The following ASB13 variants were observed in gnomAD, a reference collection of about 807,000 sequenced individuals.
ASB13 encodes the protein ankyrin repeat and SOCS box containing 13.
Under a neutral mutation model 28.8 loss-of-function variants are expected in ASB13, and 33 were observed. The observed-to-expected ratio is 1.15, with a 90% CI of 0.87 to 1.53. ASB13 has a LOEUF of 1.53. ASB13 is among the 40% of genes most tolerant of loss of function. ASB13 has a pLI of 0.00. For missense variants in ASB13, 414 were observed against 390.1 expected (o/e 1.06, Z -0.52); for synonymous variants, 182 against 172.9 (o/e 1.05, Z -0.41).
At position 5,659,825 on chromosome 10, in the gene ASB13, C is replaced by T. The variant is rs545053714; in HGVS notation, c.43+6684G>A. On this transcript the variant is annotated intron_variant, in intron 1 of 5. Coordinates refer to ENST00000357700, the MANE Select transcript of ASB13 (RefSeq NM_024701.4). This position sits in a 1 kb window ranked among gnomAD's most constrained non-coding sequence, Gnocchi z 5.8. ...GCAGGTATCTGAATGAATAAGCACT[C>T]CCCAGACGCATCTTCCCCTGCCAGA... 2.6e-5 allele frequency among the ~76,000 whole-genome samples: 4 copies of T among 152,320 alleles called. No homozygotes were observed. Among genetic ancestry groups the T allele is most frequent in the African/African-American group, 9.6e-5 (4 of 41,578 alleles).
Position 5,655,119 on chromosome 10 carries a change from G to C in ASB13, c.44-2069C>G, listed in dbSNP as rs1424145353. 6.6e-6 allele frequency among the ~76,000 whole-genome samples: 1 copy of C among 150,878 alleles called. No individual in the cohort carries two copies. Among genetic ancestry groups the C allele is most frequent in the Admixed American group, 6.6e-5 (1 of 15,128 alleles). On this transcript the variant is annotated intron_variant, in intron 1 of 5. Transcript: ENST00000357700. The surrounding 1 kb of genome is among the most constrained non-coding windows in gnomAD (Gnocchi z 6.2). ...CTCTGTCTTTAAAAAAAAAAAAAAA[G>C]TGTCTGCATCGAATTTCCTCTGCAG...
chr10:5,649,417 C>T lies in ASB13; in HGVS notation c.383-313G>A, dbSNP rs1014641477. 1.3e-5 allele frequency among the ~76,000 whole-genome samples: 2 copies of T among 152,164 alleles called. No homozygotes were observed. Among genetic ancestry groups the T allele is most frequent in the African/African-American group, 4.8e-5 (2 of 41,438 alleles). On this transcript the variant is annotated intron_variant, in intron 3 of 5. Coordinates refer to ENST00000357700, the MANE Select transcript of ASB13 (RefSeq NM_024701.4). The surrounding 1 kb of genome is among the most constrained non-coding windows in gnomAD (Gnocchi z 6.4). ...TCAGGGAAAACTCCCCCGCTGCCCC[C>T]CTGCCCTGTGTCTACCTGCGGCTGT...
In ASB13 at chr10:5,660,120, C is replaced by T. The variant is rs532990345; in HGVS notation, c.43+6389G>A. Among the ~76,000 whole-genome samples, 13 of 152,282 alleles carry T rather than the reference C, an allele frequency of 8.5e-5. No homozygotes were observed. In the East Asian group the frequency reaches 2.1e-3, roughly 25 times the overall value. On this transcript the variant is annotated intron_variant, in intron 1 of 5. Coordinates refer to ENST00000357700, the MANE Select transcript of ASB13 (RefSeq NM_024701.4). This position sits in a 1 kb window ranked among gnomAD's most constrained non-coding sequence, Gnocchi z 6.1. ...ACTATGGCTCCTCCTGTTTACCTGC[C>T]GCCTGCAGGCCTGAGCTCATGAATA...
intron 1 of ASB13, among the ~76,000 whole-genome samples, chr10:5,665,780 A>C (rs1230455041): frequency 2.0e-5 from 3 of 152,178 alleles, no homozygotes; most frequent in Non-Finnish European, 4.4e-5. Context: ...TGTTTTTACC[A>C]GGATGAATAT....
chr10:5,650,935 G>A lies in ASB13; in HGVS notation c.382+278C>T, dbSNP rs567608006. Among the ~76,000 whole-genome samples the A allele has an allele frequency of 1.5e-3, 228 of 152,318 alleles. No individual in the cohort carries two copies. The highest frequency in any genetic ancestry group is 2.6e-3 in the Non-Finnish European group (179 of 68,016). ...AGTGAGCCTCTGCAGAGTCCCCCAG[G>A]CCCTGCTAACGTGGAGAGGCCCAGG... is the stretch of plus-strand genomic sequence containing the variant. On this transcript the variant is annotated intron_variant, in intron 3 of 5. Coordinates refer to ENST00000357700, the MANE Select transcript of ASB13 (RefSeq NM_024701.4). The surrounding 1 kb of genome is among the most constrained non-coding windows in gnomAD (Gnocchi z 6.0).
Position 5,642,144 on chromosome 10 carries a change from T to C in ASB13, c.518-183A>G, listed in dbSNP as rs541250438. On this transcript the variant is annotated intron_variant, in intron 4 of 5. Coordinates refer to ENST00000357700, the MANE Select transcript of ASB13 (RefSeq NM_024701.4). This position sits in a 1 kb window ranked among gnomAD's most constrained non-coding sequence, Gnocchi z 4.1. ...TCAACATCCAAAAGCAGGAACTACT[T>C]ACTGTCCCCACTCATGAGAGATAAA... Among the ~76,000 whole-genome samples the C allele has an allele frequency of 6.6e-6, 1 of 152,236 alleles. No individual in the cohort carries two copies. Among genetic ancestry groups the C allele is most frequent in the African/African-American group, 2.4e-5 (1 of 41,554 alleles).
At chr10:5,654,901 A>AG (rs1318870513) in intron 1 of ASB13, among the ~76,000 whole-genome samples, 1 of 152,142 alleles carries the variant, frequency 6.6e-6, no homozygotes, top group Non-Finnish European at 1.5e-5. Context: ...GTTCGAAACC[A>AG]GCCTGGCCAA....
intron 1 of ASB13, among the ~76,000 whole-genome samples, chr10:5,654,213 T>C (rs1835036930): frequency 6.7e-6 from 1 of 149,188 alleles, no homozygotes; most frequent in Non-Finnish European, 1.5e-5. Flanking sequence ...AACACAACTC[T>C]AGCTAAGCAG....
rs550866871 is a variant in ASB13, at chr10:5,653,751, A to T, written c.44-701T>A. ...GGCTGGAGTGCAATGGTGTGATCTC[A>T]GCTCACTGCAACCTCCGCCTCCCGG... On this transcript the variant is annotated intron_variant, in intron 1 of 5. Coordinates refer to ENST00000357700, the MANE Select transcript of ASB13 (RefSeq NM_024701.4). 2.6e-5 allele frequency among the ~76,000 whole-genome samples: 4 copies of T among 152,158 alleles called. No individual in the cohort carries two copies. In the East Asian group the frequency reaches 7.7e-4, roughly 29 times the overall value.
intron 4 of ASB13, among the ~76,000 whole-genome samples, 179 bp downstream of exon 4, chr10:5,648,791 C>CG (rs1834935065): frequency 6.6e-6 from 1 of 150,860 alleles, no homozygotes; most frequent in African/African-American, 2.4e-5. Context: ...AACACCCACG[C>CG]GGGCAAACAC....
rs1416241006 is a variant in ASB13 at position 5,658,525 on chromosome 10, G to T, written c.44-5475C>A. Among the ~76,000 whole-genome samples, 1 of 152,186 alleles carries T rather than the reference G, an allele frequency of 6.6e-6. No individual in the cohort carries two copies. Among genetic ancestry groups the T allele is most frequent in the Admixed American group, 6.5e-5 (1 of 15,288 alleles). On this transcript the variant is annotated intron_variant, in intron 1 of 5. Transcript: ENST00000357700. This position sits in a 1 kb window ranked among gnomAD's most constrained non-coding sequence, Gnocchi z 4.2. ...TCGAGTAGTCAAATTCATGGAGATG[G>T]AAAGTAGAAAGGTAGTTGCCAGGGG...
chr10:5,653,657 CATTT>C (rs34881215), intron 1 of ASB13, among the ~76,000 whole-genome samples: 60,486 of 148,204 alleles, frequency 0.41, 12,743 homozygotes, highest in Admixed American at 0.53. Flanking sequence ...ATGTGGATGC[CATTT>C]ATTTATTTAT....
At chr10:5,648,758 T>G (rs1588511070) in intron 4 of ASB13, among the ~76,000 whole-genome samples, 3 of 136,732 alleles carry the variant, frequency 2.2e-5, no homozygotes, top group South Asian at 2.3e-4. Context: ...AAACACCCAC[T>G]CAGGCAAACA....
intron 4 of ASB13, among the ~76,000 whole-genome samples, chr10:5,646,640 C>T (rs917069206): frequency 6.6e-6 from 1 of 152,238 alleles, no homozygotes. Flanking sequence ...CCTGAAGTCA[C>T]CTGAACTAGA....
chr10:5,664,240 G>A lies in ASB13; in HGVS notation c.43+2269C>T, dbSNP rs1350298245. 5.1e-5 allele frequency among the ~76,000 whole-genome samples: 3 copies of A among 59,042 alleles called. No homozygotes were observed. The highest frequency in any genetic ancestry group is 7.0e-5 in the African/African-American group (1 of 14,224). The allele number at this position is 59,042 out of a possible 152,430, so 38.7% of individuals were successfully genotyped here. ...GACACCCCTGCCCCACCCCCACCCC[G>A]GCTTCCCAGAGCAGCAGCAGGCAGA... On this transcript the variant is annotated intron_variant, in intron 1 of 5. Coordinates refer to ENST00000357700, the MANE Select transcript of ASB13 (RefSeq NM_024701.4). The surrounding 1 kb of genome is among the most constrained non-coding windows in gnomAD (Gnocchi z 4.2).
intron 1 of ASB13, among the ~76,000 whole-genome samples, chr10:5,654,145 C>CTTTTT (rs145949502): frequency 7.8e-6 from 1 of 128,778 alleles, no homozygotes. Flanking sequence ...TTCTTTTTTT[C>CTTTTT]TTTTTTTTTT....
chr10:5,653,535 G>A (rs903831524), intron 1 of ASB13, among the ~76,000 whole-genome samples: 1 of 152,200 alleles, frequency 6.6e-6, no homozygotes, highest in African/African-American at 2.4e-5. Flanking sequence ...CTGCACTCGA[G>A]TGCCTTGAGA....
intron 1 of ASB13, among the ~76,000 whole-genome samples, chr10:5,665,553 A>G (rs1399046147): frequency 6.6e-6 from 1 of 152,220 alleles, no homozygotes; most frequent in Non-Finnish European, 1.5e-5. Context: ...TGCTTACTCA[A>G]TTAAGCTAAT....
At position 5,651,353 on chromosome 10, in the gene ASB13, C is replaced by G. The variant is rs777809706; in HGVS notation, c.242G>C (p.Arg81Pro). The part of the protein sequence containing the change: ...LLAAGAQVDA[R>P]NIDGSTPLCD... ...GAGCGGGGTGCTGCCGTCGATGTTG[C>G]GAGCATCCACCTCACGGGAGGAAGA... is the stretch of plus-strand genomic sequence containing the variant. Residue 81 changes from arginine to proline, a missense_variant, in exon 3 of 6, where the codon CGC becomes CCC. Arg to Pro is a moderately radical substitution (Grantham distance 103, BLOSUM62 -2). Transcript: ENST00000357700. This position sits in a 1 kb window ranked among gnomAD's most constrained non-coding sequence, Gnocchi z 5.1. 1 of 1,606,690 alleles carries G rather than the reference C, an allele frequency of 6.2e-7. No homozygotes were observed. The highest frequency in any genetic ancestry group is 8.5e-7 in the Non-Finnish European group (1 of 1,175,528).
Sources: gnomAD v4.1 joint callset for allele counts (sites outside exome capture counted in the v4.1 genomes callset) on GRCh38, gnomAD v4.1.1 for gene constraint, Gnocchi (gnomAD v3.1) non-coding constraint, MANE v1.5 for transcripts, NCBI Gene and HGNC (gene_info 2026-07-23, HGNC 2026-07-21) for gene names.